TBXAS1: variants seen among roughly 807,000 people sequenced by gnomAD.
The protein encoded by TBXAS1 is thromboxane A synthase 1.
A neutral mutation model predicts 60.7 loss-of-function variants in TBXAS1; 48 were observed. That is an observed-to-expected ratio of 0.79 (90% confidence interval 0.63 to 1.01). TBXAS1 has a LOEUF of 1.01. Among genes scored for constraint, TBXAS1 ranks in the 50% least tolerant of loss-of-function variants. The pLI, the probability that TBXAS1 is intolerant of heterozygous loss-of-function variation, is 0.00. For synonymous variants in TBXAS1, 287 were observed against 269.7 expected (o/e 1.06, Z -0.63); for missense variants, 685 against 686.3 (o/e 1.00, Z 0.02).
chr7:139,800,087 T>C (rs571857609), intron 4 of TBXAS1, among the ~76,000 whole-genome samples: 6 of 152,308 alleles, frequency 3.9e-5, no homozygotes, highest in Admixed American at 3.9e-4. Context: ...TTCTCCATGC[T>C]CACCACCCTA....
At chr7:139,869,186 G>A (rs1801645763) in intron 1 of TBXAS1, among the ~76,000 whole-genome samples, 2 of 152,128 alleles carry the variant, frequency 1.3e-5, no homozygotes, top group Non-Finnish European at 2.9e-5. Flanking sequence ...AATCTGTAGG[G>A]GAGAATCCTT....
chr7:139,955,329 CT>C, intron 6 of TBXAS1, 129 bp from the exon 7 acceptor site: 3 of 1,236,112 alleles, frequency 2.4e-6, no homozygotes, highest in Non-Finnish European at 2.3e-6. Context: ...GCAGAAGCTC[CT>C]CTTCCAGACA....
intron 3 of TBXAS1, 36 bp downstream of exon 3, chr7:139,875,673 T>A: frequency 6.2e-7 from 1 of 1,609,510 alleles, no homozygotes; most frequent in Non-Finnish European, 8.5e-7. Context: ...TTATGTACGA[T>A]ATTTTCTATT....
intron 1 of TBXAS1, among the ~76,000 whole-genome samples, chr7:139,845,457 ACTT>A (rs1799735776): frequency 6.6e-6 from 1 of 151,942 alleles, no homozygotes; most frequent in African/African-American, 2.4e-5. Context: ...TTGGGTGAGA[ACTT>A]CTCCAGGAGC....
At chr7:139,791,146 C>G (rs1221422217) in intron 4 of TBXAS1, among the ~76,000 whole-genome samples, 1 of 152,142 alleles carries the variant, frequency 6.6e-6, no homozygotes, top group African/African-American at 2.4e-5. Flanking sequence ...AAAAAAGAAC[C>G]CAGAAACACT....
chr7:139,982,646 G>C (rs1026513536), intron 9 of TBXAS1, among the ~76,000 whole-genome samples: 2 of 152,076 alleles, frequency 1.3e-5, no homozygotes, highest in Non-Finnish European at 2.9e-5. Context: ...CAATCTGCTC[G>C]ACATCCTGTT....
intron 9 of TBXAS1, among the ~76,000 whole-genome samples, chr7:139,990,905 C>G (rs574031192): frequency 6.6e-6 from 1 of 152,164 alleles, no homozygotes; most frequent in Admixed American, 6.5e-5. Context: ...CAGGCTAACC[C>G]CCTTGGAGAA....
intron 9 of TBXAS1, among the ~76,000 whole-genome samples, chr7:139,984,780 G>A (rs369534731): frequency 6.0e-5 from 5 of 83,278 alleles, no homozygotes; most frequent in Non-Finnish European, 9.5e-5. Flanking sequence ...AAGAAAGAAA[G>A]AAAAGAAAGA....
At chr7:139,941,281 C>T (rs1296076840) in intron 5 of TBXAS1, among the ~76,000 whole-genome samples, 1 of 152,184 alleles carries the variant, frequency 6.6e-6, no homozygotes, top group African/African-American at 2.4e-5. Flanking sequence ...TCCCTCTCTA[C>T]CTGTGTCTTT....
chr7:139,846,816 G>A lies in TBXAS1; in HGVS notation c.89+17337G>A, dbSNP rs8192807. 4.6e-5 allele frequency among the ~76,000 whole-genome samples: 7 copies of A among 152,254 alleles called. No homozygotes were observed. The East Asian group carries it at 1.4e-3, about 29-fold the overall frequency. The stretch of plus-strand genomic sequence containing the variant: ...CTTAGTAAGCTGAAGTGTCTTCGGG[G>A]GTGTTGGGGATGGTCACCAATGGTG... On this transcript the variant is annotated intron_variant, in intron 1 of 12. Transcript: ENST00000448866.
chr7:139,780,956 C>T (rs1189599610), intron 2 of TBXAS1: 1 of 154,378 alleles, frequency 6.5e-6, no homozygotes, highest in Non-Finnish European at 1.5e-5. Context: ...TGCTGTCTAG[C>T]AGTGAGTGAT....
chr7:139,918,430 T>G (rs2117087788), intron 4 of TBXAS1, among the ~76,000 whole-genome samples: 1 of 152,202 alleles, frequency 6.6e-6, no homozygotes, highest in South Asian at 2.1e-4. Flanking sequence ...TCAGGAAAAT[T>G]TATTCTCGCA....
chr7:139,986,422 A>G (rs1585010171), intron 9 of TBXAS1, among the ~76,000 whole-genome samples: 1 of 152,000 alleles, frequency 6.6e-6, no homozygotes, highest in African/African-American at 2.4e-5. Flanking sequence ...TTACATGAGT[A>G]AGTTCTTTAG....
chr7:140,008,764 T>C (rs973184544), intron 10 of TBXAS1, among the ~76,000 whole-genome samples: 24 of 152,358 alleles, frequency 1.6e-4, no homozygotes, highest in Middle Eastern at 3.4e-3. Context: ...TTTTTCATAA[T>C]TGATATCCAG....
At chr7:139,838,872 G>C (rs1300965836) in intron 1 of TBXAS1, among the ~76,000 whole-genome samples, 1 of 152,278 alleles carries the variant, frequency 6.6e-6, no homozygotes, top group Non-Finnish European at 1.5e-5. Flanking sequence ...GTATTAGCTG[G>C]AAGTACATGG....
intron 2 of TBXAS1, among the ~76,000 whole-genome samples, chr7:139,873,341 G>A (rs923180407): frequency 6.6e-6 from 1 of 152,186 alleles, no homozygotes; most frequent in Non-Finnish European, 1.5e-5. Context: ...TAACATTTTT[G>A]AGGACAGGGA....
chr7:139,938,294 T>G (rs1024880057), intron 5 of TBXAS1, among the ~76,000 whole-genome samples: 1 of 152,174 alleles, frequency 6.6e-6, no homozygotes, highest in Non-Finnish European at 1.5e-5. Flanking sequence ...TGAAAACTGT[T>G]GCTGCCTGGG....
intron 3 of TBXAS1, among the ~76,000 whole-genome samples, chr7:139,893,646 C>T (rs759338801): frequency 5.3e-5 from 8 of 152,146 alleles, no homozygotes; most frequent in Non-Finnish European, 1.2e-4. Flanking sequence ...ATTACATTTG[C>T]ACCAAGAACA....
upstream of TBXAS1, among the ~76,000 whole-genome samples, chr7:139,825,014 G>GT (rs1194484372): frequency 1.3e-5 from 2 of 151,718 alleles, no homozygotes; most frequent in Non-Finnish European, 2.9e-5. Flanking sequence ...ATTTTTAGTA[G>GT]AGACAGGGTT....
Sources: gnomAD v4.1 joint callset for allele counts (sites outside exome capture counted in the v4.1 genomes callset) on GRCh38, gnomAD v4.1.1 for gene constraint, MANE v1.5 for transcripts, NCBI Gene and HGNC (gene_info 2026-07-23, HGNC 2026-07-21) for gene names.